RPA1: variants seen among roughly 807,000 people sequenced by gnomAD.
The protein encoded by RPA1 is replication protein A1, also known as replication protein A 70 kDa DNA-binding subunit.
Under a neutral mutation model 83.0 loss-of-function variants are expected in RPA1, and 49 were observed. That is an observed-to-expected ratio of 0.59 (90% confidence interval 0.47 to 0.75). RPA1 has a LOEUF of 0.75. RPA1 is among the 30% of genes least tolerant of loss of function. The probability of loss-of-function intolerance (pLI) is 0.00; values close to 1 mark genes in which losing one functional copy is unlikely to be tolerated. For missense variants in RPA1, 693 were observed against 776.1 expected, an observed-to-expected ratio of 0.89 and a Z score of 1.27; for synonymous variants, 279 against 281.8, an observed-to-expected ratio of 0.99 and a Z score of 0.10.
At chr17:1,871,203 T>C (rs1329321429) in intron 5 of RPA1, among the ~76,000 whole-genome samples, 1 of 152,206 alleles carries the variant, frequency 6.6e-6, no homozygotes, top group African/African-American at 2.4e-5. Flanking sequence ...TCTGGCTCTT[T>C]TTCTATGTAA....
rs56167143 is a variant in RPA1 at position 1,872,018 on chromosome 17, A to G, written c.362-416A>G. 2.5e-3 allele frequency: 429 copies of G among 173,564 alleles called. 2 individuals carry two copies. The highest frequency in any genetic ancestry group is 9.7e-3 in the African/African-American group (409 of 42,362). The allele number at this position is 173,564 out of a possible 1,614,324, so 10.8% of individuals were successfully genotyped here. A position where few individuals can be genotyped will look rare whatever the true frequency, so the allele number is the denominator to read the frequency against. ...ACTGAACTGCTTTTAGGTTTTTCTT[A>G]CCACCCAGCTTTTTCTTCTGATTGA... is the stretch of plus-strand genomic sequence containing the variant. On this transcript the variant is annotated intron_variant, in intron 5 of 16. Coordinates refer to ENST00000254719, the MANE Select transcript of RPA1 (RefSeq NM_002945.5).
chr17:1,888,995 G>T (rs1256988623), intron 14 of RPA1, 144 bp downstream of exon 14: 1 of 804,306 alleles, frequency 1.2e-6, no homozygotes, highest in Non-Finnish European at 1.9e-6. Context: ...TTATCCATCC[G>T]CTTTTTCATG....
intron 1 of RPA1, among the ~76,000 whole-genome samples, chr17:1,838,062 C>T (rs570333929): frequency 1.2e-3 from 178 of 152,152 alleles, no homozygotes; most frequent in African/African-American, 3.9e-3. Flanking sequence ...GAGGCTGAGG[C>T]GGGCGGATCA....
chr17:1,841,907 T>C (rs749742348), intron 1 of RPA1, among the ~76,000 whole-genome samples: 11 of 152,222 alleles, frequency 7.2e-5, no homozygotes, highest in Admixed American at 2.6e-4. Flanking sequence ...ACAAATTACA[T>C]TGATTTTTCA....
chr17:1,830,791 C>T (rs1220792133), intron 1 of RPA1, among the ~76,000 whole-genome samples: 3 of 150,798 alleles, frequency 2.0e-5, no homozygotes, highest in African/African-American at 7.3e-5. Flanking sequence ...CCAGCCTGGG[C>T]GACACTCACT....
chr17:1,863,359 C>T (rs1011726404), intron 5 of RPA1, among the ~76,000 whole-genome samples: 6 of 151,784 alleles, frequency 4.0e-5, no homozygotes, highest in Non-Finnish European at 5.9e-5. Context: ...TTACAGGTGC[C>T]CGCCACCACA....
chr17:1,880,174 G>A (rs530470510), intron 11 of RPA1, among the ~76,000 whole-genome samples: 5 of 152,258 alleles, frequency 3.3e-5, no homozygotes, highest in Admixed American at 2.0e-4. Flanking sequence ...TATAGGATGG[G>A]GCTGTTAGCA....
In RPA1 at chr17:1,884,057, T is replaced by C; in HGVS notation, c.1374+113T>C. 3.5e-6 allele frequency: 5 copies of C among 1,434,536 alleles called. No individual in the cohort carries two copies. In the South Asian group the frequency reaches 5.1e-5, roughly 14 times the overall value. The allele number at this position is 1,434,536 out of a possible 1,614,324, so 88.9% of individuals were successfully genotyped here. On this transcript the variant is annotated intron_variant, in intron 13 of 16. Transcript: ENST00000254719. This position sits in a 1 kb window ranked among gnomAD's most constrained non-coding sequence, Gnocchi z 4.1. ...CAGAGCCGTAATTCTTACCCGGGGCTGTGACCTGAGCGTGGCATGGGGGTT... is the reference window on the plus strand; with the variant it reads ...CAGAGCCGTAATTCTTACCCGGGGCCGTGACCTGAGCGTGGCATGGGGGTT...
chr17:1,833,109 T>G (rs1228528056), intron 1 of RPA1, among the ~76,000 whole-genome samples: 1 of 152,048 alleles, frequency 6.6e-6, no homozygotes, highest in African/African-American at 2.4e-5. Context: ...GTATTTTTAG[T>G]AGAGACAGGG....
At chr17:1,831,361 G>A (rs17291773) in intron 1 of RPA1, among the ~76,000 whole-genome samples, 1 of 151,874 alleles carries the variant, frequency 6.6e-6, no homozygotes, top group Non-Finnish European at 1.5e-5. Flanking sequence ...AGTCCCTCAC[G>A]AAGTGAAGTG....
At chr17:1,862,717 CTTTTTT>C (rs71150827) in intron 5 of RPA1, among the ~76,000 whole-genome samples, 1 of 51,762 alleles carries the variant, frequency 1.9e-5, no homozygotes. Flanking sequence ...CTGTGCCCAG[CTTTTTT>C]TTTTTTTTTT....
chr17:1,871,763 C>A (rs1377000231), intron 5 of RPA1, among the ~76,000 whole-genome samples: 1 of 152,132 alleles, frequency 6.6e-6, no homozygotes, highest in East Asian at 1.9e-4. Flanking sequence ...CTCATTTCCC[C>A]CCCTTTACTT....
In RPA1 at chr17:1,830,039, G is replaced by T; in HGVS notation, c.-55G>T. The T allele has an allele frequency of 8.0e-7, 1 of 1,246,458 alleles. No homozygotes were observed. The allele number at this position is 1,246,458 out of a possible 1,614,324, so 77.2% of individuals were successfully genotyped here. A position where few individuals can be genotyped will look rare whatever the true frequency, so the allele number is the denominator to read the frequency against. On this transcript the variant is annotated 5_prime_UTR_variant, in exon 1 of 17. Transcript: ENST00000254719. ...ATAACTGCGCAGCGCGCGGGACCCGGGTGGGGAAGCTGGAGCTGTTGCGGG... is the reference window on the plus strand; with the variant it reads ...ATAACTGCGCAGCGCGCGGGACCCGTGTGGGGAAGCTGGAGCTGTTGCGGG...
At position 1,879,269 on chromosome 17, in the gene RPA1, G is replaced by A; in HGVS notation, c.814G>A (p.Val272Ile). 1 of 1,614,184 alleles carries A rather than the reference G, an allele frequency of 6.2e-7. No homozygotes were observed. ...GATTGCTAACAAGCAGTTCACAGCT[G>A]TTAAAAATGACTACGAGATGACCTT... is the stretch of plus-strand genomic sequence containing the variant. Reference protein sequence around the residue: ...LKIANKQFTAVKNDYEMTFNN... With the variant: ...LKIANKQFTAIKNDYEMTFNN... Residue 272 changes from valine (V) to isoleucine (I), a missense_variant, in exon 10 of 17, where the codon GTT becomes ATT. Coordinates refer to ENST00000254719, the MANE Select transcript of RPA1 (RefSeq NM_002945.5).
intron 5 of RPA1, among the ~76,000 whole-genome samples, chr17:1,869,636 G>T (rs1913307492): frequency 6.6e-6 from 1 of 152,214 alleles, no homozygotes; most frequent in Non-Finnish European, 1.5e-5. Context: ...ATGTTGACCT[G>T]TCTTATTAGA....
intron 6 of RPA1, among the ~76,000 whole-genome samples, chr17:1,874,005 AAAAAAAAAT>A (rs1181508994): frequency 1.7e-4 from 17 of 101,270 alleles, no homozygotes; most frequent in African/African-American, 6.8e-4. Context: ...AAAAAAAAAA[AAAAAAAAAT>A]ATATATATAT....
At chr17:1,880,860 C>G (rs991138378) in intron 12 of RPA1, among the ~76,000 whole-genome samples, 169 bp downstream of exon 12, 1 of 152,186 alleles carries the variant, frequency 6.6e-6, no homozygotes, top group African/African-American at 2.4e-5. Context: ...CTTTAAAGCC[C>G]TTAAACGGAC....
intron 5 of RPA1, chr17:1,858,321 A>G: frequency 6.2e-7 from 1 of 1,609,236 alleles, no homozygotes. Flanking sequence ...CACTCAAAGC[A>G]ATACCAGTGC....
At chr17:1,865,007 C>T (rs1913126348) in intron 5 of RPA1, among the ~76,000 whole-genome samples, 1 of 152,174 alleles carries the variant, frequency 6.6e-6, no homozygotes, top group Non-Finnish European at 1.5e-5. Context: ...GTTTTCCTAC[C>T]TGGAACTGAG....
Sources: gnomAD v4.1 joint callset for allele counts (sites outside exome capture counted in the v4.1 genomes callset) on GRCh38, gnomAD v4.1.1 for gene constraint, Gnocchi (gnomAD v3.1) non-coding constraint, MANE v1.5 for transcripts, NCBI Gene and HGNC (gene_info 2026-07-23, HGNC 2026-07-21) for gene names.